TNS1: variants seen among roughly 807,000 people sequenced by gnomAD.
TNS1 encodes tensin 1, also known as tensin-1.
TNS1 carries 62 observed loss-of-function variants against 168.6 expected under a neutral mutation model. That is an observed-to-expected ratio of 0.37 (90% CI 0.30 to 0.45). TNS1 has a LOEUF of 0.45. TNS1 is among the 20% of genes least tolerant of loss of function. The pLI, the probability that TNS1 is intolerant of heterozygous loss-of-function variation, is 1.00. For missense variants in TNS1, 2,240 were observed against 2,339.4 expected (o/e 0.96, Z 0.88); for synonymous variants, 934 against 933.2 (o/e 1.00, Z -0.02).
chr2:217,872,911 G>C (rs919752022), intron 18 of TNS1, among the ~76,000 whole-genome samples: 2 of 152,102 alleles, frequency 1.3e-5, no homozygotes, highest in African/African-American at 4.8e-5. Flanking sequence ...TGAAACATTG[G>C]GTCAAGTAAA....
chr2:217,888,730 C>A (rs1448502079), intron 12 of TNS1, among the ~76,000 whole-genome samples: 4 of 152,326 alleles, frequency 2.6e-5, no homozygotes, highest in South Asian at 4.1e-4. Flanking sequence ...TGAGATTTGC[C>A]TTTCACCTTC....
chr2:217,813,951 T>A lies in TNS1; in HGVS notation c.4730-135A>T. 2 of 1,103,726 alleles carry A rather than the reference T, an allele frequency of 1.8e-6. No homozygotes were observed. Among genetic ancestry groups the A allele is most frequent in the Non-Finnish European group, 2.4e-6 (2 of 818,966 alleles). The allele number at this position is 1,103,726 out of a possible 1,614,324, so 68.4% of individuals were successfully genotyped here. On this transcript the variant is annotated intron_variant, in intron 25 of 32. Transcript: ENST00000682258. This position sits in a 1 kb window ranked among gnomAD's most constrained non-coding sequence, Gnocchi z 4.0. Reference sequence around the variant, plus strand: ...ATTTTCTTTAAAGTTAAAATTTAACTACTCCTACGGGTCTTCCTGTACTCA... The same window carrying A: ...ATTTTCTTTAAAGTTAAAATTTAACAACTCCTACGGGTCTTCCTGTACTCA...
At chr2:217,828,347 G>A (rs1435789790) in intron 22 of TNS1, among the ~76,000 whole-genome samples, 2 of 152,244 alleles carry the variant, frequency 1.3e-5, no homozygotes, top group African/African-American at 4.8e-5. Context: ...AGCAGATTTA[G>A]AGGAGCACAG....
At chr2:217,804,905 G>T (rs544201596) in intron 32 of TNS1, among the ~76,000 whole-genome samples, 1 of 152,012 alleles carries the variant, frequency 6.6e-6, no homozygotes, top group African/African-American at 2.4e-5. Context: ...GTGGGGAGGA[G>T]ACCAAAATAA....
At chr2:217,994,641 C>T (rs1032654001) in intron 1 of TNS1, among the ~76,000 whole-genome samples, 1 of 152,108 alleles carries the variant, frequency 6.6e-6, no homozygotes, top group Non-Finnish European at 1.5e-5. Flanking sequence ...CCAGTGACCC[C>T]ATGGGTGGCA....
At chr2:217,873,615 G>T (rs1949963109) in intron 18 of TNS1, among the ~76,000 whole-genome samples, 1 of 152,208 alleles carries the variant, frequency 6.6e-6, no homozygotes, top group Non-Finnish European at 1.5e-5. Flanking sequence ...ACCTGCAGGG[G>T]TGAGAGATTT....
chr2:217,962,180 AC>A (rs1957513247), intron 3 of TNS1, among the ~76,000 whole-genome samples: 1 of 152,242 alleles, frequency 6.6e-6, no homozygotes, highest in Non-Finnish European at 1.5e-5. Flanking sequence ...GAGGTGACTC[AC>A]GCCTATAATC....
At chr2:217,961,496 C>A (rs772848596) in intron 3 of TNS1, among the ~76,000 whole-genome samples, 6 of 152,152 alleles carry the variant, frequency 3.9e-5, no homozygotes, top group Non-Finnish European at 8.8e-5. Context: ...CCTTGGCTTT[C>A]TCACTCTGGC....
At position 217,885,814 on chromosome 2, in the gene TNS1, A is replaced by T. The variant is rs758410042; in HGVS notation, c.1046T>A (p.Ile349Asn). ...GACGCTAGTCTGGCTGTCTCCTGGG[A>T]TGTTGCTAAGGGAGAGAGGTGGGCA... ...QPVYTSGIYNIPGDSQTSVCI... is the reference protein window; with the variant it reads ...QPVYTSGIYNNPGDSQTSVCI... Residue 349 changes from isoleucine (I) to asparagine (N), a missense_variant, in exon 15 of 33, where the codon ATC (isoleucine) becomes AAC (asparagine). By Grantham distance (149) the Ile-to-Asn change is moderately radical. Coordinates refer to ENST00000682258, the MANE Select transcript of TNS1 (RefSeq NM_001387777.1). 4.3e-5 allele frequency: 69 copies of T among 1,613,988 alleles called. No homozygotes were observed. The highest frequency in any genetic ancestry group is 3.3e-4 in the Middle Eastern group (2 of 6,066).
rs1063281 is a variant in TNS1 at position 217,804,009 on chromosome 2, C to T, written c.*450G>A. The T allele has an allele frequency of 0.6, 93,829 of 156,144 alleles. 28,392 individuals carry two copies. Among genetic ancestry groups the T allele is most frequent in the Middle Eastern group, 0.66 (196 of 298 alleles). The allele number at this position is 156,144 out of a possible 1,614,324, so 9.7% of individuals were successfully genotyped here. On this transcript the variant is annotated 3_prime_UTR_variant, in exon 33 of 33. Coordinates refer to ENST00000682258, the MANE Select transcript of TNS1 (RefSeq NM_001387777.1). ...CTCTGTTTGGTTTGACAACCTACCCCACAGGTGGCCAGAAAAAGATTCTCC... is the reference window on the plus strand; with the variant it reads ...CTCTGTTTGGTTTGACAACCTACCCTACAGGTGGCCAGAAAAAGATTCTCC...
chr2:217,904,091 C>G (rs1456423128), intron 6 of TNS1, among the ~76,000 whole-genome samples: 1 of 152,210 alleles, frequency 6.6e-6, no homozygotes, highest in East Asian at 1.9e-4. Flanking sequence ...GACCAACCTA[C>G]GTCAGGGGCC....
intron 22 of TNS1, among the ~76,000 whole-genome samples, chr2:217,825,134 T>C (rs1223124719): frequency 6.6e-6 from 1 of 152,232 alleles, no homozygotes; most frequent in East Asian, 1.9e-4. Context: ...CTGACGTCGC[T>C]CCTGATCTAC....
chr2:217,836,708 A>T (rs761267717), intron 19 of TNS1, among the ~76,000 whole-genome samples: 15 of 152,178 alleles, frequency 9.9e-5, no homozygotes, highest in Non-Finnish European at 1.6e-4. Context: ...CCTTGTTACG[A>T]AGTCCCCAGC....
intron 3 of TNS1, among the ~76,000 whole-genome samples, chr2:217,924,709 C>T (rs1284416216): frequency 6.6e-6 from 1 of 152,222 alleles, no homozygotes. Flanking sequence ...AGCAATATTG[C>T]TCCCATTTCA....
At chr2:217,937,868 C>T (rs1283425694) in intron 3 of TNS1, among the ~76,000 whole-genome samples, 1 of 152,136 alleles carries the variant, frequency 6.6e-6, no homozygotes, top group East Asian at 1.9e-4. Context: ...GGGTGGAGCC[C>T]CTCTTTCCGC....
intron 3 of TNS1, among the ~76,000 whole-genome samples, chr2:217,941,082 A>G (rs1956886396): frequency 6.6e-6 from 1 of 152,122 alleles, no homozygotes; most frequent in African/African-American, 2.4e-5. Flanking sequence ...ATTATTTACA[A>G]ATGTGGAAAC....
At chr2:217,814,160 G>A (rs11695740) in intron 25 of TNS1, 35,297 of 175,486 alleles carry the variant, frequency 0.2, 4,268 homozygotes, top group Middle Eastern at 0.29. Flanking sequence ...TATTCAGTGT[G>A]TGCCATTTTG....
At chr2:217,975,196 T>C (rs934339105) in intron 3 of TNS1, among the ~76,000 whole-genome samples, 5 of 151,974 alleles carry the variant, frequency 3.3e-5, no homozygotes, top group Non-Finnish European at 2.9e-5. Flanking sequence ...AGAACCACCT[T>C]GGAAAATGAT....
intron 3 of TNS1, among the ~76,000 whole-genome samples, chr2:217,963,226 G>C (rs1957542793): frequency 6.6e-6 from 1 of 152,194 alleles, no homozygotes; most frequent in Non-Finnish European, 1.5e-5. Flanking sequence ...GACTAAGAGG[G>C]CAGAGGAGGA....
Sources: allele counts gnomAD v4.1 joint callset (sites outside exome capture counted in the v4.1 genomes callset), GRCh38; gene constraint gnomAD v4.1.1; non-coding constraint Gnocchi (gnomAD v3.1); transcripts MANE v1.5; gene names NCBI Gene and HGNC (gene_info 2026-07-23, HGNC 2026-07-21).